Variants in NHSL2 observed in about 807,000 individuals in gnomAD.
The protein encoded by NHSL2 is NHS like 2.
In NHSL2, 27 loss-of-function variants were observed where a neutral mutation model predicts 53.4. That is an observed-to-expected ratio of 0.51 (90% CI 0.37 to 0.70). NHSL2 has a LOEUF of 0.70. Among genes scored for constraint, NHSL2 ranks in the 30% least tolerant of loss-of-function variants. The probability of loss-of-function intolerance (pLI) is 0.00; values close to 1 mark genes in which losing one functional copy is unlikely to be tolerated. For missense variants in NHSL2, 892 were observed against 980.1 expected (o/e 0.91, Z 1.20); for synonymous variants, 408 against 404.1 (o/e 1.01, Z -0.12).
intron 1 of NHSL2, among the ~76,000 whole-genome samples, chrX:72,021,157 G>A (rs2042158668): frequency 8.9e-6 from 1 of 112,639 alleles, no homozygotes; most frequent in African/African-American, 3.2e-5. Context: ...GCTGAGGAGT[G>A]AGAAGACTTA....
intron 1 of NHSL2, among the ~76,000 whole-genome samples, chrX:71,928,892 T>C (rs2041699486): frequency 8.9e-6 from 1 of 112,247 alleles, no homozygotes; most frequent in African/African-American, 3.2e-5. Context: ...CATGCAGTGA[T>C]GCATAAGAGA....
intron 1 of NHSL2, among the ~76,000 whole-genome samples, chrX:71,970,118 T>C (rs2041919018): frequency 1.8e-5 from 2 of 112,136 alleles, no homozygotes; most frequent in South Asian, 7.4e-4. Flanking sequence ...CTTTTGTTCA[T>C]GTATAATCTT....
At position 72,060,527 on chromosome X, in the gene NHSL2, A is replaced by G. The variant is rs762831577; in HGVS notation, c.281-71552A>G. Among the ~76,000 whole-genome samples the G allele has an allele frequency of 2.7e-5, 3 of 112,631 alleles. No individual in the cohort carries two copies. The South Asian group carries it at 1.1e-3, about 41-fold the overall frequency. ...CAGTTGGGTGTTTCCATTTTCTGTC[A>G]TTGAATTGGGAAAATGATCAGGTCA... On this transcript the variant is annotated intron_variant, in intron 1 of 7. Transcript: ENST00000633930.
chrX:71,999,637 T>G (rs1003454540), intron 1 of NHSL2, among the ~76,000 whole-genome samples: 2 of 112,393 alleles, frequency 1.8e-5, no homozygotes, highest in African/African-American at 6.5e-5. Flanking sequence ...AAGTTTGTAC[T>G]TTAGTTAATG....
At chrX:72,004,478 C>T (rs1423791416) in intron 1 of NHSL2, among the ~76,000 whole-genome samples, 3 of 111,224 alleles carry the variant, frequency 2.7e-5, no homozygotes, top group African/African-American at 9.8e-5. Context: ...GTTTCCGGAG[C>T]GGAGAGGGAT....
chrX:72,027,995 CGCTGCTGCTGCT>C (rs1207111467), intron 1 of NHSL2, among the ~76,000 whole-genome samples: 1 of 111,161 alleles, frequency 9.0e-6, no homozygotes, highest in Admixed American at 9.5e-5. Context: ...CTGCTGCTGC[CGCTGCTGCTGCT>C]GCTGCCACTG....
intron 1 of NHSL2, among the ~76,000 whole-genome samples, chrX:72,032,088 GT>G (rs1397115573): frequency 1.3e-4 from 4 of 31,217 alleles, no homozygotes; most frequent in Non-Finnish European, 3.4e-4. Context: ...GGCCACTGAA[GT>G]AAAAAAAAAA....
intron 1 of NHSL2, among the ~76,000 whole-genome samples, chrX:71,963,749 C>A (rs1333798047): frequency 9.4e-6 from 1 of 105,823 alleles, no homozygotes; most frequent in Non-Finnish European, 1.9e-5. Flanking sequence ...CATGGGGAGA[C>A]CCCAGCTCTA....
intron 1 of NHSL2, among the ~76,000 whole-genome samples, chrX:72,075,472 T>C (rs991228052): frequency 6.2e-5 from 7 of 112,489 alleles, no homozygotes; most frequent in Non-Finnish European, 1.3e-4. Context: ...CTGGGTGCCA[T>C]TGAAATCTGA....
At chrX:72,129,910 C>T (rs1320486867) in intron 1 of NHSL2, 6 of 1,209,044 alleles carry the variant, frequency 5.0e-6, no homozygotes, top group African/African-American at 1.8e-5. Flanking sequence ...GGGGCGTCTT[C>T]GAACTTGGCG....
Position 72,132,131 on chromosome X carries a change from G to C in NHSL2, c.333G>C (p.Ser111=), listed in dbSNP as rs2042311578. The C allele has an allele frequency of 8.6e-7, 1 of 1,165,072 alleles. No individual in the cohort carries two copies. The highest frequency in any genetic ancestry group is 1.1e-6 in the Non-Finnish European group (1 of 871,903). The change falls in exon 2 of 8, where the codon TCG becomes TCC. Residue 111 remains serine (S), a synonymous_variant. Coordinates refer to ENST00000633930, the MANE Select transcript of NHSL2 (RefSeq NM_001013627.3). The part of the protein sequence containing the change: ...ENATATAHSR[S]SWRQPVNVFL... ...CGACAGCGACTGCCCACTCGAGGTC[G>C]TCATGGCGACAGCCAGTGAACGTGT...
Position 72,146,369 on chromosome X carries a change from T to TA in NHSL2, c.*2796dup, listed in dbSNP as rs1250464773. The stretch of plus-strand genomic sequence containing the variant: ...CCACTCTCTCTCCCACCCAGGCACT[T>TA]ACCACAATGTTTGCTGCCTTCTGCA... On this transcript the variant is annotated 3_prime_UTR_variant, in exon 8 of 8. Transcript: ENST00000633930. 8.9e-6 allele frequency: 1 copy of TA among 112,597 alleles called. No homozygotes were observed. Among genetic ancestry groups the TA allele is most frequent in the Non-Finnish European group, 1.9e-5 (1 of 53,307 alleles). The allele number at this position is 112,597 out of a possible 1,213,427, so 9.3% of individuals were successfully genotyped here.
intron 1 of NHSL2, among the ~76,000 whole-genome samples, chrX:72,097,283 C>T (rs982647195): frequency 8.9e-6 from 1 of 111,975 alleles, no homozygotes; most frequent in African/African-American, 3.2e-5. Flanking sequence ...CACTTAACCG[C>T]AGTTAACTAT....
intron 1 of NHSL2, among the ~76,000 whole-genome samples, chrX:72,114,228 C>T (rs2042117458): frequency 8.9e-6 from 1 of 112,114 alleles, no homozygotes; most frequent in South Asian, 3.7e-4. Flanking sequence ...AAGCATGTTT[C>T]GCTTTTGTAA....
At chrX:72,094,228 C>T (rs2041925838) in intron 1 of NHSL2, among the ~76,000 whole-genome samples, 1 of 111,907 alleles carries the variant, frequency 8.9e-6, no homozygotes, top group Non-Finnish European at 1.9e-5. Flanking sequence ...TAGGTCTATA[C>T]CCTAGAGAAA....
intron 1 of NHSL2, chrX:72,130,624 T>C (rs754963623): frequency 1.5e-5 from 18 of 1,209,885 alleles, no homozygotes; most frequent in Non-Finnish European, 2.0e-5. Context: ...TCTTTCTATC[T>C]CCACACATTC....
chrX:72,117,818 T>TTTTTTTAATTTA (rs1556365650), intron 1 of NHSL2, among the ~76,000 whole-genome samples: 1 of 95,492 alleles, frequency 1.0e-5, no homozygotes, highest in African/African-American at 3.8e-5. Context: ...TAGACCACAT[T>TTTTTTTAATTTA]TTTATTTATT....
intron 1 of NHSL2, among the ~76,000 whole-genome samples, chrX:72,112,734 G>A (rs938949639): frequency 9.0e-6 from 1 of 111,288 alleles, no homozygotes; most frequent in African/African-American, 3.3e-5. Context: ...CTGTTACCCA[G>A]GCTGGAGTGC....
At chrX:71,942,666 A>C (rs2041771873) in intron 1 of NHSL2, among the ~76,000 whole-genome samples, 1 of 112,710 alleles carries the variant, frequency 8.9e-6, no homozygotes, top group Non-Finnish European at 1.9e-5. Flanking sequence ...AGTTTATTTA[A>C]AGAAAAATAC....
Sources: gnomAD v4.1 joint callset for allele counts (sites outside exome capture counted in the v4.1 genomes callset) on GRCh38, gnomAD v4.1.1 for gene constraint, MANE v1.5 for transcripts, NCBI Gene and HGNC (gene_info 2026-07-23, HGNC 2026-07-21) for gene names.